The following NTRK2 variants were observed in gnomAD, a reference collection of about 807,000 sequenced individuals.
The protein encoded by NTRK2 is BDNF/NT-3 growth factors receptor.
A neutral mutation model predicts 94.5 loss-of-function variants in NTRK2; 13 were observed. The ratio of observed to expected loss-of-function variants is 0.14; its 90% CI spans 0.09 to 0.22. NTRK2 has a LOEUF of 0.22. Among genes scored for constraint, NTRK2 ranks in the 10% least tolerant of loss-of-function variants. The pLI, the probability that NTRK2 is intolerant of heterozygous loss-of-function variation, is 1.00. For missense variants in NTRK2, 639 were observed against 1,071.2 expected, an observed-to-expected ratio of 0.60 and a Z score of 5.63; for synonymous variants, 372 against 407.4, an observed-to-expected ratio of 0.91 and a Z score of 1.05.
At chr9:84,706,514 A>ATTTTTTTTTTTTTTT (rs1251771059) in intron 4 of NTRK2, among the ~76,000 whole-genome samples, 1 of 68,526 alleles carries the variant, frequency 1.5e-5, no homozygotes, top group Non-Finnish European at 3.0e-5. Flanking sequence ...CATGTGTGTT[A>ATTTTTTTTTTTTTTT]TTTTTTGTTT....
intron 5 of NTRK2, 129 bp downstream of exon 5, chr9:84,708,041 G>T: frequency 1.4e-6 from 1 of 740,548 alleles, no homozygotes; most frequent in Non-Finnish European, 2.4e-6. Context: ...GATTTCTCAA[G>T]TTTCAGTCTC....
chr9:84,797,464 T>C (rs1408115358), intron 12 of NTRK2, among the ~76,000 whole-genome samples: 1 of 142,868 alleles, frequency 7.0e-6, no homozygotes, highest in Non-Finnish European at 1.5e-5. Flanking sequence ...CCCTCTTCTC[T>C]TCATGTGGAA....
intron 17 of NTRK2, among the ~76,000 whole-genome samples, chr9:85,002,080 T>A (rs888672104): frequency 2.0e-5 from 3 of 152,224 alleles, no homozygotes; most frequent in African/African-American, 7.2e-5. Flanking sequence ...CACCCCTGCC[T>A]GTTCTTGACC....
At chr9:84,975,357 C>G (rs192715999) in intron 17 of NTRK2, among the ~76,000 whole-genome samples, 1 of 152,166 alleles carries the variant, frequency 6.6e-6, no homozygotes, top group East Asian at 1.9e-4. Context: ...CAAATGGAAC[C>G]AAGATGGAGG....
At chr9:84,712,510 G>T (rs896904067) in intron 6 of NTRK2, among the ~76,000 whole-genome samples, 1 of 152,116 alleles carries the variant, frequency 6.6e-6, no homozygotes, top group Non-Finnish European at 1.5e-5. Flanking sequence ...TTACATTCAC[G>T]GTAACATTCA....
At chr9:84,976,972 T>C (rs1826950075) in intron 17 of NTRK2, among the ~76,000 whole-genome samples, 1 of 152,256 alleles carries the variant, frequency 6.6e-6, no homozygotes, top group Non-Finnish European at 1.5e-5. Flanking sequence ...GATATACACA[T>C]ACACATACAC....
chr9:85,016,657 T>G (rs1378262081), intron 17 of NTRK2, among the ~76,000 whole-genome samples: 5 of 152,170 alleles, frequency 3.3e-5, no homozygotes, highest in Admixed American at 1.3e-4. Context: ...GTAACAACAG[T>G]GACTTTTTTG....
chr9:84,791,462 G>A (rs142048446), intron 12 of NTRK2, among the ~76,000 whole-genome samples: 5 of 152,204 alleles, frequency 3.3e-5, no homozygotes, highest in Admixed American at 6.5e-5. Flanking sequence ...AACAGAACCC[G>A]CAGTGGTAAG....
chr9:84,707,813 A>G (rs1398546238), intron 4 of NTRK2, 31 bp from the exon 5 acceptor site: 1 of 1,542,030 alleles, frequency 6.5e-7, no homozygotes, highest in African/African-American at 1.4e-5. Flanking sequence ...AACATTTTAA[A>G]TTCATGTTTA....
intron 12 of NTRK2, among the ~76,000 whole-genome samples, chr9:84,761,866 T>C (rs1042087301): frequency 6.6e-6 from 1 of 152,192 alleles, no homozygotes; most frequent in African/African-American, 2.4e-5. Flanking sequence ...CAGAGTGATA[T>C]GGTTTGGCTA....
intron 14 of NTRK2, chr9:84,877,598 G>C: frequency 9.4e-7 from 1 of 1,065,844 alleles, no homozygotes; most frequent in African/African-American, 1.6e-5. Flanking sequence ...TGCTGCTGCT[G>C]CACCATGTTG....
At chr9:84,693,561 C>T (rs901152416) in intron 2 of NTRK2, among the ~76,000 whole-genome samples, 1 of 152,120 alleles carries the variant, frequency 6.6e-6, no homozygotes, top group Admixed American at 6.5e-5. Context: ...TTTCCTCTTG[C>T]ACTAGAGGCT....
At chr9:84,876,202 A>G (rs913096462) in intron 14 of NTRK2, 2 of 1,041,038 alleles carry the variant, frequency 1.9e-6, no homozygotes, top group East Asian at 5.8e-5. Context: ...TAAATTTCCA[A>G]TAAAGTGGTT....
chr9:84,688,084 C>G (rs561787201), intron 2 of NTRK2, among the ~76,000 whole-genome samples: 1 of 152,296 alleles, frequency 6.6e-6, no homozygotes, highest in East Asian at 1.9e-4. Context: ...AAGGAAAAGG[C>G]CTGCTCAGGC....
chr9:84,956,937 C>G (rs1279097018), intron 17 of NTRK2, among the ~76,000 whole-genome samples: 1 of 151,670 alleles, frequency 6.6e-6, no homozygotes, highest in African/African-American at 2.4e-5. Context: ...AAAAGATTCT[C>G]TTGGGTGTAT....
chr9:84,700,458 G>T (rs1309399430), intron 2 of NTRK2, among the ~76,000 whole-genome samples: 1 of 152,170 alleles, frequency 6.6e-6, no homozygotes, highest in African/African-American at 2.4e-5. Flanking sequence ...CAGGCCCTGG[G>T]TATCAGGGAC....
intron 9 of NTRK2, among the ~76,000 whole-genome samples, chr9:84,730,538 A>T (rs554920586): frequency 1.5e-5 from 2 of 133,560 alleles, no homozygotes; most frequent in South Asian, 4.4e-4. Context: ...CAGGAGATCG[A>T]GACCATCCTG....
rs145516905 is a variant in NTRK2 at position 84,934,822 on chromosome 9, A to C, written c.1764+530A>C. On this transcript the variant is annotated intron_variant, in intron 15 of 18. Transcript: ENST00000277120. ...CAGGCATGATTTCATCCAGGGCTGG[A>C]TGGCATCTCCTGTGGAATTCACCAC... is the stretch of plus-strand genomic sequence containing the variant. 5.7e-4 allele frequency among the ~76,000 whole-genome samples: 87 copies of C among 152,256 alleles called. No homozygotes were observed. In the South Asian group the frequency reaches 8.7e-3, roughly 15 times the overall value.
chr9:85,013,086 C>T (rs1299028008), intron 17 of NTRK2, among the ~76,000 whole-genome samples: 2 of 152,286 alleles, frequency 1.3e-5, no homozygotes, highest in African/African-American at 4.8e-5. Context: ...CTGGTTCCAG[C>T]ACTCCTCCTT....
Sources: gnomAD v4.1 joint callset for allele counts (sites outside exome capture counted in the v4.1 genomes callset) on GRCh38, gnomAD v4.1.1 for gene constraint, MANE v1.5 for transcripts, NCBI Gene and HGNC (gene_info 2026-07-23, HGNC 2026-07-21) for gene names.